PTPRD: variants seen among roughly 807,000 people sequenced by gnomAD.
PTPRD encodes protein tyrosine phosphatase receptor type D.
In PTPRD, 34 loss-of-function variants were observed where a neutral mutation model predicts 214.5. That is an observed-to-expected ratio of 0.16 (90% CI 0.12 to 0.21). The LOEUF (loss-of-function observed/expected upper bound fraction) is 0.21, where lower values mean the gene tolerates loss of function less well. PTPRD is among the 10% of genes least tolerant of loss of function. The pLI is 1.00. For missense variants in PTPRD, 2,545 were observed against 2,398.7 expected (o/e 1.06, Z -1.27); for synonymous variants, 1,128 against 845.7 (o/e 1.33, Z -5.79).
intron 3 of PTPRD, among the ~76,000 whole-genome samples, chr9:10,264,978 C>T (rs971816134): frequency 6.6e-6 from 1 of 152,152 alleles, no homozygotes; most frequent in Non-Finnish European, 1.5e-5. Context: ...CTTTCATTCT[C>T]TCTTGCCTGA....
At chr9:9,121,352 T>C (rs1490419083) in intron 10 of PTPRD, among the ~76,000 whole-genome samples, 1 of 152,120 alleles carries the variant, frequency 6.6e-6, no homozygotes, top group Non-Finnish European at 1.5e-5. Flanking sequence ...GAAGTTATTA[T>C]TCGAAAAAGA....
At chr9:10,103,854 T>C (rs774641213) in intron 3 of PTPRD, among the ~76,000 whole-genome samples, 1 of 151,692 alleles carries the variant, frequency 6.6e-6, no homozygotes, top group Non-Finnish European at 1.5e-5. Flanking sequence ...AAGAATTTAA[T>C]GGCTTGTTGA....
At chr9:10,028,617 T>A (rs2154128361) in intron 4 of PTPRD, among the ~76,000 whole-genome samples, 1 of 152,282 alleles carries the variant, frequency 6.6e-6, no homozygotes, top group African/African-American at 2.4e-5. Flanking sequence ...TTGCTATTTC[T>A]TACCAAAGAG....
intron 33 of PTPRD, among the ~76,000 whole-genome samples, chr9:8,452,769 A>G (rs1186731244): frequency 6.6e-6 from 1 of 152,178 alleles, no homozygotes; most frequent in East Asian, 1.9e-4. Context: ...GGATGTGGGT[A>G]ATACACAATA....
chr9:9,607,505 A>T (rs1276438182), intron 7 of PTPRD, among the ~76,000 whole-genome samples: 1 of 152,180 alleles, frequency 6.6e-6, no homozygotes, highest in African/African-American at 2.4e-5. Context: ...GGATTTGATT[A>T]TTTGAGTCTA....
At chr9:10,410,507 G>A (rs1011708941) in intron 2 of PTPRD, among the ~76,000 whole-genome samples, 11 of 151,074 alleles carry the variant, frequency 7.3e-5, no homozygotes, top group African/African-American at 2.7e-4. Context: ...GACACAAACT[G>A]TTGATGTAGT....
chr9:10,209,104 C>G (rs927927285), intron 3 of PTPRD, among the ~76,000 whole-genome samples: 2 of 152,114 alleles, frequency 1.3e-5, no homozygotes, highest in Non-Finnish European at 2.9e-5. Flanking sequence ...CCACTGGAAA[C>G]TGTGTGACTA....
At chr9:9,323,445 A>G (rs1394906886) in intron 9 of PTPRD, among the ~76,000 whole-genome samples, 1 of 152,184 alleles carries the variant, frequency 6.6e-6, no homozygotes, top group African/African-American at 2.4e-5. Flanking sequence ...GTAATATGCC[A>G]ATGCTAATCA....
chr9:8,897,450 T>C (rs1014176968), intron 11 of PTPRD, among the ~76,000 whole-genome samples: 1 of 152,154 alleles, frequency 6.6e-6, no homozygotes, highest in Non-Finnish European at 1.5e-5. Context: ...AGCTTTGAGG[T>C]AAGCTACCAC....
intron 9 of PTPRD, among the ~76,000 whole-genome samples, chr9:9,372,375 C>T (rs1459797878): frequency 6.6e-6 from 1 of 152,120 alleles, no homozygotes; most frequent in Non-Finnish European, 1.5e-5. Flanking sequence ...TAATGGCCTT[C>T]TTTGTCTCTT....
In PTPRD at chr9:10,361,675, C is replaced by A. The variant is rs78564363; in HGVS notation, c.-599-20658G>T. Among the ~76,000 whole-genome samples the A allele has an allele frequency of 7.7e-4, 117 of 152,230 alleles. No individual in the cohort carries two copies. In the East Asian group the frequency reaches 0.018, roughly 23 times the overall value. ...TCTATGTCAAAATCTCTATTAGGAA[C>A]ACTTACTATTATATGATCGTTCATT... On this transcript the variant is annotated intron_variant, in intron 2 of 45. Transcript: ENST00000381196.
intron 11 of PTPRD, among the ~76,000 whole-genome samples, chr9:8,769,183 TATA>T (rs1344944749): frequency 2.0e-5 from 3 of 152,266 alleles, no homozygotes; most frequent in African/African-American, 7.2e-5. Flanking sequence ...TGATTTATGT[TATA>T]ATGTTTACTA....
At chr9:9,868,524 G>T (rs1452228137) in intron 5 of PTPRD, among the ~76,000 whole-genome samples, 2 of 151,798 alleles carry the variant, frequency 1.3e-5, no homozygotes, top group African/African-American at 4.8e-5. Context: ...GTAGATTCAG[G>T]AAATATAGCT....
chr9:10,486,113 T>G (rs892880601), intron 2 of PTPRD, among the ~76,000 whole-genome samples: 1 of 152,064 alleles, frequency 6.6e-6, no homozygotes, highest in South Asian at 2.1e-4. Flanking sequence ...TTGCAAAAAT[T>G]TTCTCCCATT....
intron 5 of PTPRD, among the ~76,000 whole-genome samples, chr9:9,780,245 G>A (rs1307190486): frequency 1.3e-5 from 2 of 152,082 alleles, no homozygotes; most frequent in Admixed American, 1.3e-4. Context: ...AATAGACACT[G>A]CAGATTCCAA....
At chr9:10,481,814 A>C (rs2099099743) in intron 2 of PTPRD, among the ~76,000 whole-genome samples, 1 of 152,222 alleles carries the variant, frequency 6.6e-6, no homozygotes, top group African/African-American at 2.4e-5. Context: ...GCAATGGGAA[A>C]GTGTAACTAC....
In PTPRD at chr9:9,804,113, C is replaced by T. The variant is rs542502200; in HGVS notation, c.-367-37262G>A. On this transcript the variant is annotated intron_variant, in intron 5 of 45. Transcript: ENST00000381196. ...TCTGATGGCTGTTTTTGATCAGCTTCTAACCTCAAGAAAAACTATTTTTCA... is the reference window on the plus strand; with the variant it reads ...TCTGATGGCTGTTTTTGATCAGCTTTTAACCTCAAGAAAAACTATTTTTCA... 1.3e-5 allele frequency among the ~76,000 whole-genome samples: 2 copies of T among 152,156 alleles called. 1 individual carries two copies. The highest frequency in any genetic ancestry group is 4.1e-4 in the South Asian group (2 of 4,832).
At chr9:9,218,299 C>T (rs1031408913) in intron 9 of PTPRD, among the ~76,000 whole-genome samples, 14 of 152,092 alleles carry the variant, frequency 9.2e-5, no homozygotes, top group Admixed American at 5.2e-4. Context: ...TTAGATAGGC[C>T]TTGAATGTTG....
chr9:9,558,011 C>G (rs906504817), intron 8 of PTPRD, among the ~76,000 whole-genome samples: 1 of 152,214 alleles, frequency 6.6e-6, no homozygotes, highest in South Asian at 2.1e-4. Context: ...ACACAGCCAG[C>G]TTTTACTTGC....
Sources: allele counts gnomAD v4.1 joint callset (sites outside exome capture counted in the v4.1 genomes callset), GRCh38; gene constraint gnomAD v4.1.1; transcripts MANE v1.5; gene names NCBI Gene and HGNC (gene_info 2026-07-23, HGNC 2026-07-21).